SV2C: variants seen among roughly 807,000 people sequenced by gnomAD.
The protein encoded by SV2C is synaptic vesicle glycoprotein 2C.
In SV2C, 49 loss-of-function variants were observed where a neutral mutation model predicts 79.7. That is an observed-to-expected ratio of 0.61 (90% CI 0.49 to 0.78). The LOEUF (loss-of-function observed/expected upper bound fraction) is 0.78, where lower values mean the gene tolerates loss of function less well. Ranked by LOEUF, SV2C falls within the 30% of genes least tolerant of loss-of-function variation. The probability of loss-of-function intolerance (pLI) is 0.00; values close to 1 mark genes in which losing one functional copy is unlikely to be tolerated. For missense variants in SV2C, 833 were observed against 912.9 expected, an observed-to-expected ratio of 0.91 and a Z score of 1.13; for synonymous variants, 334 against 333.2, an observed-to-expected ratio of 1.00 and a Z score of -0.03.
At chr5:75,984,546 T>TATC in the SV2C span, among the ~76,000 whole-genome samples, 1 of 121,254 alleles carries the variant, frequency 8.2e-6, no homozygotes, top group South Asian at 2.5e-4. Flanking sequence ...CCTATCTATC[T>TATC]ATCTATCTAT....
intron 4 of SV2C, among the ~76,000 whole-genome samples, chr5:76,227,026 G>A (rs1745268320): frequency 6.6e-6 from 1 of 152,194 alleles, no homozygotes; most frequent in Admixed American, 6.5e-5. Flanking sequence ...GAAAGGGCCT[G>A]CTCAAGGAAA....
the SV2C span, chr5:75,921,469 A>G: frequency 6.2e-5 from 49 of 795,848 alleles, no homozygotes; most frequent in Admixed American, 1.4e-4. Context: ...CCCATAAGGC[A>G]GTCGGTCTCT....
intron 4 of SV2C, among the ~76,000 whole-genome samples, chr5:76,215,236 C>G (rs1487232771): frequency 1.3e-5 from 2 of 152,070 alleles, no homozygotes; most frequent in Admixed American, 6.6e-5. Flanking sequence ...AGCTTCCTGT[C>G]CATGAAAGGC....
chr5:76,002,580 C>G, the SV2C span, among the ~76,000 whole-genome samples: 5 of 152,142 alleles, frequency 3.3e-5, no homozygotes, highest in Non-Finnish European at 7.3e-5. Flanking sequence ...TGAATTAGAT[C>G]TCAATTAAGT....
At chr5:76,146,990 A>G (rs910777475) in intron 2 of SV2C, among the ~76,000 whole-genome samples, 1 of 152,144 alleles carries the variant, frequency 6.6e-6, no homozygotes, top group African/African-American at 2.4e-5. Flanking sequence ...AGGCAAACTC[A>G]TGGAGATGGG....
the SV2C span, among the ~76,000 whole-genome samples, chr5:75,959,872 T>C: frequency 6.6e-6 from 1 of 152,016 alleles, no homozygotes; most frequent in Admixed American, 6.6e-5. Context: ...GAAAGTATAC[T>C]AAAAATCAAT....
At chr5:76,088,257 G>T (rs72771967) in intron 1 of SV2C, among the ~76,000 whole-genome samples, 3,414 of 152,244 alleles carry the variant, frequency 0.022, 64 homozygotes, top group Non-Finnish European at 0.037. Flanking sequence ...AATATAAGAT[G>T]CTCAGTTAAA....
chr5:75,914,349 GT>G, the SV2C span, among the ~76,000 whole-genome samples: 1 of 152,030 alleles, frequency 6.6e-6, no homozygotes, highest in Non-Finnish European at 1.5e-5. Context: ...TATTTTGTCA[GT>G]TTGAGTAATA....
the SV2C span, among the ~76,000 whole-genome samples, chr5:75,877,303 G>A: frequency 1.7e-4 from 26 of 151,916 alleles, 1 homozygote; most frequent in Admixed American, 1.7e-3. Context: ...AGCAAATAAA[G>A]AGAGAAATAA....
chr5:76,128,316 G>A (rs888675353), intron 1 of SV2C, among the ~76,000 whole-genome samples: 7 of 152,132 alleles, frequency 4.6e-5, no homozygotes, highest in African/African-American at 1.7e-4. Context: ...CCCATATAAA[G>A]CTCGTCACTG....
At chr5:76,247,942 G>A (rs1351029854) in intron 4 of SV2C, among the ~76,000 whole-genome samples, 3 of 152,178 alleles carry the variant, frequency 2.0e-5, no homozygotes, top group Non-Finnish European at 4.4e-5. Context: ...GGTATTTGAT[G>A]ACAGTGATTA....
chr5:76,100,408 T>C (rs531671342), intron 1 of SV2C, among the ~76,000 whole-genome samples: 52 of 152,350 alleles, frequency 3.4e-4, no homozygotes, highest in African/African-American at 1.1e-3. Flanking sequence ...TCTCTAGAGA[T>C]AAAAAGTCAC....
chr5:76,266,360 A>G (rs2112465495), intron 4 of SV2C, among the ~76,000 whole-genome samples: 1 of 152,208 alleles, frequency 6.6e-6, no homozygotes, highest in Admixed American at 6.5e-5. Flanking sequence ...AGCACGTGCC[A>G]CCACGCCCAG....
At chr5:76,323,538 A>G (rs754049908) in intron 12 of SV2C, among the ~76,000 whole-genome samples, 5 of 152,248 alleles carry the variant, frequency 3.3e-5, no homozygotes, top group Non-Finnish European at 7.3e-5. Context: ...ATTACTGGGT[A>G]TGTACCCAAA....
At chr5:76,079,647 T>G, upstream of SV2C, 1 of 348,538 alleles carries the variant, frequency 2.9e-6, no homozygotes, top group Non-Finnish European at 5.7e-6. Flanking sequence ...GCCCTGCCAC[T>G]CTATGAAGAA....
At chr5:75,873,744 C>A in the SV2C span, among the ~76,000 whole-genome samples, 3 of 152,098 alleles carry the variant, frequency 2.0e-5, no homozygotes, top group South Asian at 6.2e-4. Context: ...ATTGACCCCA[C>A]AGAAATTAAA....
chr5:76,018,131 C>G, the SV2C span, among the ~76,000 whole-genome samples: 1 of 152,108 alleles, frequency 6.6e-6, no homozygotes, highest in East Asian at 1.9e-4. Context: ...GAAACTGATC[C>G]AAGAGTCTCT....
At chr5:76,341,114 A>G (rs2937732) in intron 12 of SV2C, among the ~76,000 whole-genome samples, 97,339 of 151,612 alleles carry the variant, frequency 0.64, 32,254 homozygotes, top group East Asian at 0.93. Flanking sequence ...TATTTTTAGT[A>G]CAGACGGGTT....
At chr5:76,129,368 G>C (rs1748808244) in intron 1 of SV2C, among the ~76,000 whole-genome samples, 2 of 152,206 alleles carry the variant, frequency 1.3e-5, no homozygotes, top group South Asian at 4.1e-4. Context: ...CTTCGATTTG[G>C]GGGATGAGAA....
Sources: allele counts gnomAD v4.1 joint callset (sites outside exome capture counted in the v4.1 genomes callset), GRCh38; gene constraint gnomAD v4.1.1; transcripts MANE v1.5; gene names NCBI Gene and HGNC (gene_info 2026-07-23, HGNC 2026-07-21).